The following KIR3DL2 variants were observed in gnomAD, a reference collection of about 807,000 sequenced individuals.
KIR3DL2 encodes killer cell immunoglobulin-like receptor 3DL2.
In KIR3DL2, 42 loss-of-function variants were observed where a neutral mutation model predicts 41.6. The observed-to-expected ratio is 1.01, with a 90% CI of 0.79 to 1.31. The LOEUF is 1.31. KIR3DL2 is among the 50% of genes most tolerant of loss of function. The pLI is 0.00. For synonymous variants in KIR3DL2, 230 were observed against 221.3 expected, an observed-to-expected ratio of 1.04 and a Z score of -0.35; for missense variants, 728 against 576.8, an observed-to-expected ratio of 1.26 and a Z score of -2.68.
At chr19:54,861,277 C>T (rs1341751672) in intron 6 of KIR3DL2, among the ~76,000 whole-genome samples, 3 of 151,704 alleles carry the variant, frequency 2.0e-5, no homozygotes, top group Non-Finnish European at 4.4e-5. Context: ...ATTTATTTCT[C>T]CTGCATCTAA....
chr19:54,858,533 A>G (rs1410490940), intron 5 of KIR3DL2, among the ~76,000 whole-genome samples: 2 of 151,084 alleles, frequency 1.3e-5, no homozygotes, highest in Non-Finnish European at 2.9e-5. Flanking sequence ...GTTCAAGACC[A>G]GGCTGGCCAA....
At chr19:54,856,358 A>G (rs968726094) in intron 5 of KIR3DL2, among the ~76,000 whole-genome samples, 10 of 151,832 alleles carry the variant, frequency 6.6e-5, no homozygotes, top group African/African-American at 2.4e-4. Context: ...CAACTTTACC[A>G]TTTTTAAAAG....
intron 6 of KIR3DL2, among the ~76,000 whole-genome samples, chr19:54,863,638 G>T (rs1011737954): frequency 2.6e-5 from 4 of 151,992 alleles, no homozygotes; most frequent in Non-Finnish European, 5.9e-5. Flanking sequence ...GTGTTTTTTG[G>T]CTGCATAAAT....
intron 2 of KIR3DL2, among the ~76,000 whole-genome samples, chr19:54,851,732 G>A (rs1228347431): frequency 1.3e-5 from 2 of 151,634 alleles, no homozygotes; most frequent in Non-Finnish European, 2.9e-5. Flanking sequence ...CCTCCATGCC[G>A]TGTCTACTTT....
chr19:54,856,042 C>T (rs1338176308), intron 5 of KIR3DL2, 130 bp downstream of exon 5: 2 of 1,181,234 alleles, frequency 1.7e-6, no homozygotes, highest in Non-Finnish European at 2.4e-6. Context: ...AGGGGGGGGT[C>T]AGGGTGCAGG....
In KIR3DL2 at chr19:54,864,728, A is replaced by G. The variant is rs192253562; in HGVS notation, c.1001-1077A>G. 3.8e-3 allele frequency among the ~76,000 whole-genome samples: 584 copies of G among 152,160 alleles called. 5 individuals are homozygous for G. The highest frequency in any genetic ancestry group is 4.9e-3 in the Non-Finnish European group (330 of 67,988). On this transcript the variant is annotated intron_variant, in intron 6 of 8. Transcript: ENST00000326321. ...ATTCTGTATCCTGAGACTTTGTAGAAGCTGCTTATCAGCTTAAGGAGATTT... is the reference window on the plus strand; with the variant it reads ...ATTCTGTATCCTGAGACTTTGTAGAGGCTGCTTATCAGCTTAAGGAGATTT...
At chr19:54,854,254 A>G (rs1853780185) in intron 4 of KIR3DL2, among the ~76,000 whole-genome samples, 2 of 151,770 alleles carry the variant, frequency 1.3e-5, no homozygotes, top group South Asian at 4.1e-4. Flanking sequence ...CACAGGGGCC[A>G]TACGGGGAAG....
At chr19:54,854,798 G>T (rs1271647779) in intron 4 of KIR3DL2, among the ~76,000 whole-genome samples, 1 of 151,768 alleles carries the variant, frequency 6.6e-6, no homozygotes, top group Non-Finnish European at 1.5e-5. Flanking sequence ...GAAGGGAGGA[G>T]AGAAAAGCCC....
At chr19:54,858,659 T>C (rs1483287488) in intron 5 of KIR3DL2, among the ~76,000 whole-genome samples, 1 of 151,310 alleles carries the variant, frequency 6.6e-6, no homozygotes, top group African/African-American at 2.4e-5. Flanking sequence ...ATCCAGGAAG[T>C]GGAGGTTGCA....
rs1358844022 is a variant in KIR3DL2 at position 54,859,930 on chromosome 19, G to A, written c.1000+801G>A. Among the ~76,000 whole-genome samples, 10 of 151,838 alleles carry A rather than the reference G, an allele frequency of 6.6e-5. No homozygotes were observed. In the East Asian group the frequency reaches 1.5e-3, roughly 23 times the overall value. ...CACAAAGACTGGTCACATCTCACAT[G>A]GCATCACTCAGACCCTTCTTCCTTA... is the stretch of plus-strand genomic sequence containing the variant. On this transcript the variant is annotated intron_variant, in intron 6 of 8. Coordinates refer to ENST00000326321, the MANE Select transcript of KIR3DL2 (RefSeq NM_006737.4).
In KIR3DL2 at chr19:54,862,229, G is replaced by C. The variant is rs73618365; in HGVS notation, c.1000+3100G>C. 4.2e-3 allele frequency among the ~76,000 whole-genome samples: 635 copies of C among 152,218 alleles called. 2 individuals are homozygous for C. Among genetic ancestry groups the C allele is most frequent in the African/African-American group, 0.015 (606 of 41,556 alleles). ...ATTATTTCCTGGCTGTTTGACATAA[G>C]AGAATTCTACTTTGCTTTTTTGATC... On this transcript the variant is annotated intron_variant, in intron 6 of 8. Transcript: ENST00000326321.
At chr19:54,865,955 GA>G (rs1569527660) in intron 7 of KIR3DL2, 46 bp downstream of exon 7, 1 of 1,545,448 alleles carries the variant, frequency 6.5e-7, no homozygotes, top group South Asian at 1.1e-5. Flanking sequence ...GCCATGTGGG[GA>G]AGCAGGATGG....
intron 4 of KIR3DL2, among the ~76,000 whole-genome samples, chr19:54,854,705 G>A (rs1384817955): frequency 1.3e-5 from 2 of 151,640 alleles, no homozygotes; most frequent in African/African-American, 4.9e-5. Context: ...AACACACAGA[G>A]AATGAGCCAG....
intron 5 of KIR3DL2, 69 bp downstream of exon 5, chr19:54,855,981 T>C (rs1267745805): frequency 6.3e-5 from 98 of 1,561,934 alleles, no homozygotes; most frequent in Non-Finnish European, 8.1e-5. Flanking sequence ...TTCCTGCCGA[T>C]GATGGGGAGA....
At position 54,852,301 on chromosome 19, in the gene KIR3DL2, G is replaced by C; in HGVS notation, c.355+19G>C. 1 of 1,600,390 alleles carries C rather than the reference G, an allele frequency of 6.2e-7. No individual in the cohort carries two copies. Among genetic ancestry groups the C allele is most frequent in the African/African-American group, 1.4e-5 (1 of 74,034 alleles). On this transcript the variant is annotated intron_variant, in intron 3 of 8. Transcript: ENST00000326321. ...GTCACAGGTCAGAGGCTTTCTGTCT[G>C]GGCTTCTCACTGTCCCACCTCCTGA...
rs531919192 is a variant in KIR3DL2 at position 54,866,524 on chromosome 19, C to T, written c.1161C>T (p.Asp387=). Residue 387 remains aspartate (D), a splice_region_variant and synonymous_variant, in exon 9 of 9, where the codon GAC becomes GAT. Coordinates refer to ENST00000326321, the MANE Select transcript of KIR3DL2 (RefSeq NM_006737.4). Reference sequence around the variant, plus strand: ...ACTCAGCATTTCCCTCTCTCCAGGACTCTGATGAACAAGACCCTCAGGAGG... The same window carrying T: ...ACTCAGCATTTCCCTCTCTCCAGGATTCTGATGAACAAGACCCTCAGGAGG... The part of the protein sequence containing the change: ...PAGDRTVNRQ[D]SDEQDPQEVT... The T allele has an allele frequency of 6.8e-6, 11 of 1,614,000 alleles. No individual in the cohort carries two copies. The highest frequency in any genetic ancestry group is 2.2e-5 in the South Asian group (2 of 91,076).
intron 5 of KIR3DL2, 32 bp downstream of exon 5, chr19:54,855,944 A>G (rs755083246): frequency 1.9e-6 from 3 of 1,610,684 alleles, no homozygotes; most frequent in Non-Finnish European, 2.5e-6. Flanking sequence ...CCCATGTCTT[A>G]TGATCCTAGA....
intron 3 of KIR3DL2, 56 bp from the exon 4 acceptor site, chr19:54,853,691 C>T: frequency 1.9e-6 from 3 of 1,571,966 alleles, no homozygotes; most frequent in South Asian, 1.1e-5. Flanking sequence ...ATTCCAGGTG[C>T]CATGGATGGG....
rs1331687108 is a variant in KIR3DL2 at position 54,866,435 on chromosome 19, C to T, written c.1158+13C>T. Reference sequence around the variant, plus strand: ...AGTGAATAGGCAGGTAGGTCCTCCTCGGCCCAGCCTCACGGATACAGTCTT... The same window carrying T: ...AGTGAATAGGCAGGTAGGTCCTCCTTGGCCCAGCCTCACGGATACAGTCTT... On this transcript the variant is annotated intron_variant, in intron 8 of 8. Transcript: ENST00000326321. The T allele has an allele frequency of 1.5e-5, 25 of 1,613,858 alleles. No individual in the cohort carries two copies. Among genetic ancestry groups the T allele is most frequent in the East Asian group, 6.7e-5 (3 of 44,894 alleles).
Sources: gnomAD v4.1 joint callset for allele counts (sites outside exome capture counted in the v4.1 genomes callset) on GRCh38, gnomAD v4.1.1 for gene constraint, MANE v1.5 for transcripts, NCBI Gene and HGNC (gene_info 2026-07-23, HGNC 2026-07-21) for gene names.